LRRTM3: variants seen among roughly 807,000 people sequenced by gnomAD.
LRRTM3 encodes the protein leucine-rich repeat transmembrane neuronal protein 3.
LRRTM3 carries 24 observed loss-of-function variants against 44.7 expected under a neutral mutation model. The observed-to-expected ratio is 0.54, with a 90% CI of 0.39 to 0.76. The LOEUF (loss-of-function observed/expected upper bound fraction) is 0.76, where lower values mean the gene tolerates loss of function less well. Ranked by LOEUF, LRRTM3 falls within the 30% of genes least tolerant of loss-of-function variation. LRRTM3 has a pLI of 0.00. For synonymous variants in LRRTM3, 277 were observed against 278.7 expected (o/e 0.99, Z 0.06); for missense variants, 587 against 702.2 (o/e 0.84, Z 1.85).
intron 2 of LRRTM3, among the ~76,000 whole-genome samples, chr10:67,048,774 T>C (rs914295651): frequency 5.9e-5 from 9 of 152,076 alleles, no homozygotes; most frequent in African/African-American, 2.2e-4. Flanking sequence ...TGACAATAAC[T>C]GAAAATATTA....
rs980120979 is a variant in LRRTM3, at chr10:67,075,793, A to G, written c.1537-21794A>G. 2.0e-5 allele frequency among the ~76,000 whole-genome samples: 3 copies of G among 152,352 alleles called. No individual in the cohort carries two copies. The East Asian group carries it at 5.8e-4, about 29-fold the overall frequency. On this transcript the variant is annotated intron_variant, in intron 2 of 2. Coordinates refer to ENST00000361320, the MANE Select transcript of LRRTM3 (RefSeq NM_178011.5). ...AGGCTAAAAATTAACTCACACATTC[A>G]AAGCCATCTATTTTTAAAATGCATG...
Position 66,928,411 on chromosome 10 carries a change from G to C in LRRTM3, c.1495G>C (p.Gly499Arg), listed in dbSNP as rs1316778879. 6 of 1,613,896 alleles carry C rather than the reference G, an allele frequency of 3.7e-6. No homozygotes were observed. Among genetic ancestry groups the C allele is most frequent in the Non-Finnish European group, 4.2e-6 (5 of 1,179,914 alleles). The change falls in exon 2 of 3, where the codon GGA becomes CGA. Residue 499 changes from glycine (G) to arginine (R), a missense_variant. Gly to Arg is a moderately radical substitution (Grantham distance 125). Around this residue, in one of 3 missense-constraint regions of LRRTM3, gnomAD observed 315 missense variants for 335.6 expected, o/e 0.94. Coordinates refer to ENST00000361320, the MANE Select transcript of LRRTM3 (RefSeq NM_178011.5). ...CAGCGAGATGCTGCTGAATGGGACG[G>C]GACCCTGCACCTATAACAAATCGGG... ...ETSEMLLNGT[G>R]PCTYNKSGSR...
intron 2 of LRRTM3, among the ~76,000 whole-genome samples, chr10:66,951,530 C>T (rs960901780): frequency 4.6e-5 from 7 of 152,028 alleles, no homozygotes; most frequent in East Asian, 1.9e-4. Flanking sequence ...ACTCATATTC[C>T]GGATAGGGAA....
chr10:67,081,680 G>C (rs1160310582), intron 2 of LRRTM3, among the ~76,000 whole-genome samples: 1 of 152,108 alleles, frequency 6.6e-6, no homozygotes, highest in African/African-American at 2.4e-5. Flanking sequence ...CTGCCATTTT[G>C]AGTAGTTCTA....
intron 2 of LRRTM3, among the ~76,000 whole-genome samples, chr10:66,996,996 A>G (rs1851391866): frequency 6.6e-6 from 1 of 152,186 alleles, no homozygotes; most frequent in Non-Finnish European, 1.5e-5. Context: ...ATAATCAAGA[A>G]TAAGACAGAC....
chr10:66,976,325 T>G (rs1850028843), intron 2 of LRRTM3, among the ~76,000 whole-genome samples: 1 of 152,118 alleles, frequency 6.6e-6, no homozygotes, highest in Admixed American at 6.5e-5. Flanking sequence ...AGACCTGAAA[T>G]TAAGGAACTG....
At chr10:66,938,263 A>G (rs1847821360) in intron 2 of LRRTM3, among the ~76,000 whole-genome samples, 2 of 152,144 alleles carry the variant, frequency 1.3e-5, no homozygotes, top group Non-Finnish European at 2.9e-5. Flanking sequence ...ACCACTAAAC[A>G]ATGTGAGGGT....
chr10:66,945,675 T>G (rs966792663), intron 2 of LRRTM3, among the ~76,000 whole-genome samples: 1 of 152,196 alleles, frequency 6.6e-6, no homozygotes, highest in African/African-American at 2.4e-5. Flanking sequence ...TTCAACCTAT[T>G]TCAGCTTTCA....
intron 2 of LRRTM3, among the ~76,000 whole-genome samples, chr10:67,053,135 T>G (rs1744765432): frequency 6.6e-6 from 1 of 152,228 alleles, no homozygotes; most frequent in South Asian, 2.1e-4. Flanking sequence ...TACTTTATCA[T>G]AGTATTCTGT....
At chr10:67,011,259 T>C (rs1852313915) in intron 2 of LRRTM3, among the ~76,000 whole-genome samples, 1 of 151,060 alleles carries the variant, frequency 6.6e-6, no homozygotes, top group Admixed American at 6.6e-5. Context: ...GAGAATTGCT[T>C]GAACCCAGCA....
intron 2 of LRRTM3, among the ~76,000 whole-genome samples, chr10:67,035,121 T>C (rs755505822): frequency 2.0e-5 from 3 of 152,200 alleles, no homozygotes; most frequent in Non-Finnish European, 2.9e-5. Flanking sequence ...TCTGTGCATA[T>C]TACCTCTGCT....
rs1312098563 is a variant in LRRTM3 at position 67,099,326 on chromosome 10, G to T, written c.*1530G>T. 2 of 149,238 alleles carry T rather than the reference G, an allele frequency of 1.3e-5. No homozygotes were observed. The highest frequency in any genetic ancestry group is 2.1e-4 in the South Asian group (1 of 4,748). 9.2% of individuals were successfully genotyped at this position (149,238 alleles called of 1,614,324 possible). ...ATCAATAGTAATCATGCATTCTTGTGTTTTTTTTTAATGGAAAACTGCAAG... is the reference window on the plus strand; with the variant it reads ...ATCAATAGTAATCATGCATTCTTGTTTTTTTTTTTAATGGAAAACTGCAAG... On this transcript the variant is annotated 3_prime_UTR_variant, in exon 3 of 3. Coordinates refer to ENST00000361320, the MANE Select transcript of LRRTM3 (RefSeq NM_178011.5).
chr10:66,955,233 AT>A (rs148708917), intron 2 of LRRTM3, among the ~76,000 whole-genome samples: 2,771 of 152,254 alleles, frequency 0.018, 75 homozygotes, highest in African/African-American at 0.063. Context: ...AGGAAAATGG[AT>A]GTTATATACA....
chr10:67,096,153 G>T (rs550736165), intron 2 of LRRTM3, among the ~76,000 whole-genome samples: 1 of 151,656 alleles, frequency 6.6e-6, no homozygotes, highest in Non-Finnish European at 1.5e-5. Flanking sequence ...TTTATATGCC[G>T]AAATATTCAT....
chr10:67,016,618 T>C (rs1852675859), intron 2 of LRRTM3, among the ~76,000 whole-genome samples: 1 of 152,184 alleles, frequency 6.6e-6, no homozygotes, highest in South Asian at 2.1e-4. Context: ...ACGCAGAAAC[T>C]AAGCTCTCTT....
intron 2 of LRRTM3, among the ~76,000 whole-genome samples, chr10:67,048,224 T>A (rs1189609674): frequency 1.3e-5 from 2 of 152,084 alleles, no homozygotes; most frequent in African/African-American, 4.8e-5. Flanking sequence ...ACCCTACTCA[T>A]GAAAAATCAT....
chr10:67,037,572 A>G (rs1854140302), intron 2 of LRRTM3, among the ~76,000 whole-genome samples: 1 of 152,164 alleles, frequency 6.6e-6, no homozygotes, highest in Admixed American at 6.5e-5. Context: ...ATTTGAATGA[A>G]GTATGACTGG....
chr10:66,931,803 T>C (rs1847411941), intron 2 of LRRTM3, among the ~76,000 whole-genome samples: 1 of 152,168 alleles, frequency 6.6e-6, no homozygotes, highest in Non-Finnish European at 1.5e-5. Context: ...GTGTCCAAGA[T>C]GAAAAGCGAG....
intron 2 of LRRTM3, among the ~76,000 whole-genome samples, chr10:67,025,129 CAAAAACAAAAA>C (rs1853278994): frequency 3.9e-5 from 1 of 25,368 alleles, no homozygotes; most frequent in Admixed American, 7.5e-4. Flanking sequence ...AAAACTCTGT[CAAAAACAAAAA>C]AAAAAAAGAA....
Sources: gnomAD v4.1 joint callset for allele counts (sites outside exome capture counted in the v4.1 genomes callset) on GRCh38, gnomAD v4.1.1 for gene constraint, gnomAD v4.1.1 regional missense constraint, MANE v1.5 for transcripts, NCBI Gene and HGNC (gene_info 2026-07-23, HGNC 2026-07-21) for gene names.